SLIT1: variants seen among roughly 807,000 people sequenced by gnomAD.
SLIT1 encodes the protein slit guidance ligand 1, also known as slit homolog 1 protein.
A neutral mutation model predicts 186.1 loss-of-function variants in SLIT1; 66 were observed. The observed-to-expected ratio is 0.35, with a 90% CI of 0.29 to 0.44. SLIT1 has a LOEUF of 0.44. Among genes scored for constraint, SLIT1 ranks in the 20% least tolerant of loss-of-function variants. The probability of loss-of-function intolerance (pLI) is 1.00; values close to 1 mark genes in which losing one functional copy is unlikely to be tolerated. For synonymous variants in SLIT1, 761 were observed against 833.8 expected (o/e 0.91, Z 1.50); for missense variants, 1,638 against 2,037.4 (o/e 0.80, Z 3.77).
At chr10:97,049,806 A>AT (rs1321388990) in intron 13 of SLIT1, among the ~76,000 whole-genome samples, 1 of 152,234 alleles carries the variant, frequency 6.6e-6, no homozygotes, top group Non-Finnish European at 1.5e-5. Flanking sequence ...CTTGCTGGGG[A>AT]TTCACTCAGA....
At chr10:97,073,517 G>A (rs1447528930) in intron 4 of SLIT1, among the ~76,000 whole-genome samples, 1 of 152,196 alleles carries the variant, frequency 6.6e-6, no homozygotes, top group African/African-American at 2.4e-5. Context: ...AGGAGGGCAG[G>A]GGCAGGACAG....
intron 4 of SLIT1, among the ~76,000 whole-genome samples, chr10:97,138,951 C>T (rs567751632): frequency 2.6e-5 from 4 of 152,314 alleles, no homozygotes; most frequent in East Asian, 1.9e-4. Context: ...ATCAGCAACC[C>T]GCAGCACCAC....
At chr10:97,124,547 G>A (rs1227367653) in intron 4 of SLIT1, among the ~76,000 whole-genome samples, 3 of 152,214 alleles carry the variant, frequency 2.0e-5, no homozygotes, top group South Asian at 4.1e-4. Flanking sequence ...GTACACTGGG[G>A]TGCGCACCCG....
intron 4 of SLIT1, among the ~76,000 whole-genome samples, chr10:97,118,529 TCC>T: frequency 6.6e-6 from 1 of 152,112 alleles, no homozygotes; most frequent in Non-Finnish European, 1.5e-5. Context: ...CTCCTCTATC[TCC>T]AAAATGGCCG....
At chr10:97,165,700 A>T (rs1288589919) in intron 1 of SLIT1, among the ~76,000 whole-genome samples, 1 of 152,130 alleles carries the variant, frequency 6.6e-6, no homozygotes, top group African/African-American at 2.4e-5. Flanking sequence ...CTGGGTCAGG[A>T]GGATGGGGGG....
At chr10:97,153,305 T>C (rs1001863879) in intron 4 of SLIT1, 2 of 152,242 alleles carry the variant, frequency 1.3e-5, no homozygotes, top group South Asian at 4.1e-4. Flanking sequence ...TTTTAACTTC[T>C]GGAGGCCACA....
At chr10:97,062,933 G>A (rs577537182) in intron 8 of SLIT1, among the ~76,000 whole-genome samples, 1 of 152,338 alleles carries the variant, frequency 6.6e-6, no homozygotes, top group South Asian at 2.1e-4. Context: ...AAGGTGAAAG[G>A]GTGTGGGCTT....
At chr10:97,064,676 C>T (rs558729067) in intron 6 of SLIT1, 129 bp downstream of exon 6, 58 of 675,278 alleles carry the variant, frequency 8.6e-5, no homozygotes, top group African/African-American at 6.5e-4. Flanking sequence ...TCCCCTCCTC[C>T]GAGGTGATTC....
intron 4 of SLIT1, among the ~76,000 whole-genome samples, chr10:97,141,701 CGT>C (rs1849763165): frequency 2.1e-5 from 2 of 96,354 alleles, no homozygotes; most frequent in South Asian, 6.0e-4. Context: ...CGTATCGTAT[CGT>C]ATTGTATTGT....
chr10:97,087,623 C>G (rs1473130313), intron 4 of SLIT1, among the ~76,000 whole-genome samples: 1 of 152,166 alleles, frequency 6.6e-6, no homozygotes, highest in Non-Finnish European at 1.5e-5. Flanking sequence ...CACACAAAGG[C>G]TCGCCTCAAA....
intron 23 of SLIT1, among the ~76,000 whole-genome samples, chr10:97,032,240 A>G (rs1257424381): frequency 6.6e-6 from 1 of 152,172 alleles, no homozygotes; most frequent in Non-Finnish European, 1.5e-5. Context: ...TGAGGCCTTG[A>G]GAGGTGAAAA....
At chr10:97,054,332 A>G (rs1848818957) in intron 13 of SLIT1, among the ~76,000 whole-genome samples, 1 of 151,490 alleles carries the variant, frequency 6.6e-6, no homozygotes, top group Non-Finnish European at 1.5e-5. Flanking sequence ...CATGATTGTA[A>G]GCTTCCTGAG....
rs775051969 is a variant in SLIT1, at chr10:97,006,453, C to A, written c.3579+30G>T. On this transcript the variant is annotated intron_variant, in intron 32 of 36. Coordinates refer to ENST00000266058, the MANE Select transcript of SLIT1 (RefSeq NM_003061.3). This position sits in a 1 kb window ranked among gnomAD's most constrained non-coding sequence, Gnocchi z 4.0. ...GCCAGGGTCGCCTGCTCCCTGACTCCCCTCTGTGACCAAGCCCCCTGGCAC... is the reference window on the plus strand; with the variant it reads ...GCCAGGGTCGCCTGCTCCCTGACTCACCTCTGTGACCAAGCCCCCTGGCAC... The A allele has an allele frequency of 1.3e-5, 20 of 1,537,264 alleles. No individual in the cohort carries two copies. Among genetic ancestry groups the A allele is most frequent in the Non-Finnish European group, 1.8e-5 (20 of 1,111,156 alleles).
chr10:97,049,254 G>A (rs1589374676), intron 13 of SLIT1, 136 bp from the exon 14 acceptor site: 2 of 1,000,622 alleles, frequency 2.0e-6, no homozygotes, highest in African/African-American at 3.2e-5. Context: ...GCCACGGGGG[G>A]AAAGAGAGAG....
chr10:97,042,556 C>G (rs958887668), intron 20 of SLIT1, among the ~76,000 whole-genome samples: 2 of 152,018 alleles, frequency 1.3e-5, no homozygotes, highest in Non-Finnish European at 2.9e-5. Context: ...TTAGGGACAG[C>G]CAAAAGGCAG....
At chr10:97,063,353 G>T in intron 8 of SLIT1, 102 bp downstream of exon 8, 1 of 1,312,712 alleles carries the variant, frequency 7.6e-7, no homozygotes, top group Non-Finnish European at 1.1e-6. Flanking sequence ...GGGTCAGGAG[G>T]TGATGGGCAG....
At chr10:97,144,574 A>G (rs1849797609) in intron 4 of SLIT1, among the ~76,000 whole-genome samples, 1 of 152,146 alleles carries the variant, frequency 6.6e-6, no homozygotes, top group South Asian at 2.1e-4. Context: ...TGCAAAGGGG[A>G]GCTCTGTCCC....
rs1432849192 is a variant in SLIT1, at chr10:97,096,434, T to G, written c.414-30348A>C. Reference sequence around the variant, plus strand: ...CCCTCCTGCCCTCCCCACCACTCTCTGAGCGCACCTCTGGCAGAGCTGCCT... The same window carrying G: ...CCCTCCTGCCCTCCCCACCACTCTCGGAGCGCACCTCTGGCAGAGCTGCCT... On this transcript the variant is annotated intron_variant, in intron 4 of 36. Transcript: ENST00000266058. Among the ~76,000 whole-genome samples, 4 of 151,928 alleles carry G rather than the reference T, an allele frequency of 2.6e-5. No homozygotes were observed. The East Asian group carries it at 7.7e-4, about 29-fold the overall frequency.
intron 18 of SLIT1, among the ~76,000 whole-genome samples, chr10:97,044,389 A>G (rs1229001802): frequency 6.6e-6 from 1 of 152,050 alleles, no homozygotes; most frequent in African/African-American, 2.4e-5. Context: ...ACAGAGTGAG[A>G]CCCTGTCTCC....
Sources: allele counts gnomAD v4.1 joint callset (sites outside exome capture counted in the v4.1 genomes callset), GRCh38; gene constraint gnomAD v4.1.1; non-coding constraint Gnocchi (gnomAD v3.1); transcripts MANE v1.5; gene names NCBI Gene and HGNC (gene_info 2026-07-23, HGNC 2026-07-21).